Variants in ATIC observed in about 807,000 individuals in gnomAD.
The protein encoded by ATIC is bifunctional purine biosynthesis protein ATIC.
A neutral mutation model predicts 72.5 loss-of-function variants in ATIC; 64 were observed. The ratio of observed to expected loss-of-function variants is 0.88; its 90% confidence interval spans 0.72 to 1.09. ATIC has a LOEUF of 1.09. ATIC is among the 50% of genes least tolerant of loss of function. ATIC has a pLI of 0.00. For synonymous variants in ATIC, 281 were observed against 267.1 expected (o/e 1.05, Z -0.51); for missense variants, 787 against 732.4 (o/e 1.07, Z -0.86).
rs576963980 is a variant in ATIC, at chr2:215,322,265, G to A, written c.290+2534G>A. ...TTTTCTTTTGTTGCTTGTGTTAATG[G>A]TGTCATGTCTAAGAAACCATTGCCT... On this transcript the variant is annotated intron_variant, in intron 4 of 15. Transcript: ENST00000236959. Among the ~76,000 whole-genome samples, 9 of 151,266 alleles carry A rather than the reference G, an allele frequency of 5.9e-5. No homozygotes were observed. The East Asian group carries it at 1.7e-3, about 29-fold the overall frequency.
intron 2 of ATIC, among the ~76,000 whole-genome samples, chr2:215,314,114 T>C (rs1277906152): frequency 1.3e-5 from 2 of 152,210 alleles, no homozygotes; most frequent in African/African-American, 4.8e-5. Flanking sequence ...AACTGATTAG[T>C]CTTGTTTCTG....
intron 2 of ATIC, 57 bp downstream of exon 2, chr2:215,312,681 T>G (rs1284565089): frequency 6.2e-7 from 1 of 1,613,174 alleles, no homozygotes; most frequent in East Asian, 2.2e-5. Context: ...CAGGAAGTAT[T>G]GTATTCCAGG....
At chr2:215,335,811 T>G (rs1478600414) in intron 10 of ATIC, among the ~76,000 whole-genome samples, 2 of 152,192 alleles carry the variant, frequency 1.3e-5, no homozygotes, top group East Asian at 1.9e-4. Flanking sequence ...TAGTTTAAAC[T>G]GAAACGAACA....
At chr2:215,316,073 T>C (rs2052705350) in intron 2 of ATIC, among the ~76,000 whole-genome samples, 1 of 152,282 alleles carries the variant, frequency 6.6e-6, no homozygotes, top group South Asian at 2.1e-4. Flanking sequence ...GGTAAACTGA[T>C]GGATTTTAAT....
At chr2:215,326,575 A>G (rs2106008056) in intron 6 of ATIC, among the ~76,000 whole-genome samples, 1 of 151,428 alleles carries the variant, frequency 6.6e-6, no homozygotes, top group Non-Finnish European at 1.5e-5. Context: ...ACACCACTGC[A>G]CTCTAGCCTG....
At chr2:215,362,255 G>A in the ATIC span, 67 of 636,828 alleles carry the variant, frequency 1.1e-4, no homozygotes, top group African/African-American at 1.1e-3. Context: ...AATACATTTT[G>A]GCTTATTACC....
At chr2:215,340,024 CTG>C (rs2053002053) in intron 12 of ATIC, among the ~76,000 whole-genome samples, 1 of 151,988 alleles carries the variant, frequency 6.6e-6, no homozygotes, top group Non-Finnish European at 1.5e-5. Flanking sequence ...GAAGCTTGCT[CTG>C]TTGCCCAGGC....
chr2:215,316,977 G>A (rs576707395), intron 2 of ATIC, among the ~76,000 whole-genome samples: 19 of 152,278 alleles, frequency 1.2e-4, no homozygotes, highest in Non-Finnish European at 2.8e-4. Flanking sequence ...GGTCAGGCTG[G>A]TCTGGAACTC....
chr2:215,331,821 G>C (rs1371807074), intron 7 of ATIC, among the ~76,000 whole-genome samples: 2 of 152,190 alleles, frequency 1.3e-5, no homozygotes, highest in African/African-American at 4.8e-5. Flanking sequence ...TGAAGTTGCA[G>C]TCTCCTTTTA....
chr2:215,337,084 CT>C (rs11285874), intron 11 of ATIC, among the ~76,000 whole-genome samples: 136,717 of 138,676 alleles, frequency 0.99, 67,401 homozygotes, highest in South Asian at 0.99. Context: ...TTGTTGTTGG[CT>C]TTTTTTTTTT....
At chr2:215,358,104 C>T in the ATIC span, among the ~76,000 whole-genome samples, 1 of 152,126 alleles carries the variant, frequency 6.6e-6, no homozygotes, top group East Asian at 1.9e-4. Context: ...CTGATCATTT[C>T]TTTATTCACC....
At position 215,323,835 on chromosome 2, in the gene ATIC, G is replaced by T. The variant is rs112937616; in HGVS notation, c.291-1406G>T. On this transcript the variant is annotated intron_variant, in intron 4 of 15. Coordinates refer to ENST00000236959, the MANE Select transcript of ATIC (RefSeq NM_004044.7). ...GTTGCCCAAGGCGGAGTGCAGTTGC[G>T]TGATCTTGGCTCACTGTGACCTCCG... Among the ~76,000 whole-genome samples the T allele has an allele frequency of 5.1e-3, 777 of 152,292 alleles. 6 individuals are homozygous for T. Among genetic ancestry groups the T allele is most frequent in the African/African-American group, 0.018 (742 of 41,550 alleles).
At chr2:215,350,878 A>G (rs1575128399), downstream of ATIC, among the ~76,000 whole-genome samples, 1 of 152,064 alleles carries the variant, frequency 6.6e-6, no homozygotes, top group East Asian at 1.9e-4. Context: ...CCCTCTTCCC[A>G]AGTCTTTAAC....
chr2:215,367,770 T>C, the ATIC span: 1 of 1,233,594 alleles, frequency 8.1e-7, no homozygotes, highest in South Asian at 1.2e-5. Context: ...TGGAAGAACC[T>C]GTGTCTTCCA....
chr2:215,339,449 A>G (rs1487223424), intron 12 of ATIC, among the ~76,000 whole-genome samples: 1 of 152,144 alleles, frequency 6.6e-6, no homozygotes, highest in Non-Finnish European at 1.5e-5. Context: ...CTGGGAGATC[A>G]AGGCTGCAGT....
At chr2:215,365,422 C>G in the ATIC span, 1 of 1,452,026 alleles carries the variant, frequency 6.9e-7, no homozygotes, top group Non-Finnish European at 9.7e-7. Flanking sequence ...AGTCTCCAAT[C>G]ATTTCTGTGA....
chr2:215,365,966 ATTTTTTTTTTT>A, the ATIC span, among the ~76,000 whole-genome samples: 2 of 90,354 alleles, frequency 2.2e-5, no homozygotes, highest in South Asian at 3.7e-4. Flanking sequence ...CCACAGTGCT[ATTTTTTTTTTT>A]TTTTTTTTTT....
chr2:215,326,012 A>C lies in ATIC; in HGVS notation c.405A>C (p.Ala135=), dbSNP rs1357986425. 1.2e-6 allele frequency: 2 copies of C among 1,614,206 alleles called. No individual in the cohort carries two copies. Among genetic ancestry groups the C allele is most frequent in the South Asian group, 2.2e-5 (2 of 91,082 alleles). The change falls in exon 6 of 16, where the codon GCA becomes GCC. Residue 135 remains alanine, a synonymous_variant. Transcript: ENST00000236959. ...DIGGVTLLRA[A]AKNHARVTVV... is the part of the protein sequence containing the mutation. ...GTGGAGTAACCTTACTGAGAGCTGC[A>C]GCCAAAAACCACGCTCGAGTGACAG...
chr2:215,329,298 A>G (rs1279088432), intron 7 of ATIC, among the ~76,000 whole-genome samples: 2 of 152,154 alleles, frequency 1.3e-5, no homozygotes, highest in East Asian at 3.8e-4. Flanking sequence ...TTTCCAAAGC[A>G]TTTTCATTGG....
Sources: gnomAD v4.1 joint callset for allele counts (sites outside exome capture counted in the v4.1 genomes callset) on GRCh38, gnomAD v4.1.1 for gene constraint, MANE v1.5 for transcripts, NCBI Gene and HGNC (gene_info 2026-07-23, HGNC 2026-07-21) for gene names.